MYO7A: variants seen among roughly 807,000 people sequenced by gnomAD.
The protein encoded by MYO7A is myosin VIIA.
A neutral mutation model predicts 263.8 loss-of-function variants in MYO7A; 210 were observed. That is an observed-to-expected ratio of 0.80 (90% CI 0.71 to 0.89). The LOEUF is 0.89. Ranked by LOEUF, MYO7A falls within the 40% of genes least tolerant of loss-of-function variation. The pLI is 0.00. For synonymous variants in MYO7A, 1,239 were observed against 1,197.3 expected (o/e 1.03, Z -0.72); for missense variants, 2,820 against 2,968.3 (o/e 0.95, Z 1.16).
chr11:77,212,189 T>C (rs1390969656), intron 46 of MYO7A: 2 of 610,150 alleles, frequency 3.3e-6, no homozygotes, highest in Non-Finnish European at 6.1e-6. Flanking sequence ...TAATGGAGGA[T>C]GGCCTGTGTT....
chr11:77,166,373 G>A lies in MYO7A; in HGVS notation c.1797+211G>A, dbSNP rs981032470. 5.3e-5 allele frequency among the ~76,000 whole-genome samples: 8 copies of A among 152,316 alleles called. No individual in the cohort carries two copies. In the East Asian group the frequency reaches 1.5e-3, roughly 29 times the overall value. On this transcript the variant is annotated intron_variant, in intron 15 of 48. Transcript: ENST00000409709. ...TACTAACTGGGGATATGGCTGGGGT[G>A]CAAGGCCCAGAGAAGGGTCACCTGA...
rs369489756 is a variant in MYO7A, at chr11:77,194,347, C to A, written c.4153-7C>A. On this transcript the variant is annotated splice_polypyrimidine_tract_variant and splice_region_variant and intron_variant, in intron 31 of 48. Coordinates refer to ENST00000409709, the MANE Select transcript of MYO7A (RefSeq NM_000260.4). ...CCAATGCATGACCGAGGCCTCCCCC[C>A]ACCTAGGAGGACGACCTGGCTGAGC... is the stretch of plus-strand genomic sequence containing the variant. 39 of 1,609,812 alleles carry A rather than the reference C, an allele frequency of 2.4e-5. No individual in the cohort carries two copies. The highest frequency in any genetic ancestry group is 1.6e-4 in the Middle Eastern group (1 of 6,070).
intron 2 of MYO7A, among the ~76,000 whole-genome samples, chr11:77,131,709 C>G (rs1190740786): frequency 1.3e-5 from 2 of 152,226 alleles, no homozygotes; most frequent in Non-Finnish European, 2.9e-5. Context: ...CCTCTCCTGC[C>G]CCTCTGAACG....
rs1160265877 is a variant in MYO7A, at chr11:77,192,898, G to GTGT, written c.4152+623_4152+625dup. On this transcript the variant is annotated intron_variant, in intron 31 of 48. Transcript: ENST00000409709. Reference sequence around the variant, plus strand: ...GGTGATGGTGGAGGAGGTAGTGATGGTGTTGGTGATGGTGGAGGGTAGTGA... The same window carrying GTGT: ...GGTGATGGTGGAGGAGGTAGTGATGGTGTTGTTGGTGATGGTGGAGGGTAGTGA... Among the ~76,000 whole-genome samples the GTGT allele has an allele frequency of 7.7e-5, 9 of 116,862 alleles. 1 individual carries two copies. Among genetic ancestry groups the GTGT allele is most frequent in the East Asian group, 4.7e-4 (2 of 4,230 alleles). 76.7% of individuals were successfully genotyped at this position (116,862 alleles called of 152,430 possible).
chr11:77,177,755 C>T (rs782595890), intron 19 of MYO7A, 112 bp downstream of exon 19: 15 of 808,578 alleles, frequency 1.9e-5, no homozygotes, highest in Admixed American at 4.2e-5. Flanking sequence ...ACGTGTTCAC[C>T]TATGAAACAA....
intron 42 of MYO7A, 131 bp from the exon 43 acceptor site, chr11:77,208,299 C>T (rs1013070748): frequency 6.9e-6 from 5 of 721,388 alleles, no homozygotes; most frequent in South Asian, 5.2e-5. Flanking sequence ...GGGGCTGACA[C>T]ACAGAAACCC....
chr11:77,205,239 G>A (rs1020316058), intron 39 of MYO7A, among the ~76,000 whole-genome samples: 3 of 152,300 alleles, frequency 2.0e-5, no homozygotes, highest in Non-Finnish European at 1.5e-5. Flanking sequence ...GTGGCCTGGC[G>A]CGGTGGGCCA....
Position 77,202,369 on chromosome 11 carries a change from C to A in MYO7A, c.5113C>A (p.Pro1705Thr), listed in dbSNP as rs1336723769. ...VRLLQLRTAEPEVRAKPYTLE... is the reference protein window; with the variant it reads ...VRLLQLRTAETEVRAKPYTLE... ...GCTCTTGCAGCTGCGAACGGCGGAG[C>A]CCGAGGTGCGTGCCAAGCCCTACAC... Residue 1705 changes from proline to threonine, a missense_variant, in exon 37 of 49, where the codon CCC becomes ACC. Pro to Thr is a conservative substitution (Grantham distance 38, BLOSUM62 -1). Transcript: ENST00000409709. 1.9e-6 allele frequency: 3 copies of A among 1,562,330 alleles called. No individual in the cohort carries two copies. Among genetic ancestry groups the A allele is most frequent in the Non-Finnish European group, 2.6e-6 (3 of 1,152,782 alleles).
intron 44 of MYO7A, 86 bp downstream of exon 44, chr11:77,208,889 C>A: frequency 1.7e-6 from 2 of 1,143,184 alleles, no homozygotes; most frequent in Non-Finnish European, 2.5e-6. Context: ...ACTGACCTTG[C>A]CAGGTGTGGG....
rs778007315 is a variant in MYO7A at position 77,199,698 on chromosome 11, G to T, written c.4732G>T (p.Asp1578Tyr). The change falls in exon 35 of 49, where the codon GAC (aspartate) becomes TAC (tyrosine). Residue 1578 changes from aspartate (D) to tyrosine (Y), a missense_variant. By Grantham distance (160) the Asp-to-Tyr change is radical. Transcript: ENST00000409709. The stretch of plus-strand genomic sequence containing the variant: ...CTTCACGCTGGCCACCATCAAGGGG[G>T]ACGAATACACCTTCACCTCCAGCAA... The part of the protein sequence containing the change: ...PSFTLATIKG[D>Y]EYTFTSSNAE... 1 of 1,613,666 alleles carries T rather than the reference G, an allele frequency of 6.2e-7. No homozygotes were observed. The highest frequency in any genetic ancestry group is 8.5e-7 in the Non-Finnish European group (1 of 1,179,852).
intron 43 of MYO7A, 69 bp downstream of exon 43, chr11:77,208,586 T>C: frequency 6.5e-7 from 1 of 1,536,226 alleles, no homozygotes; most frequent in African/African-American, 1.4e-5. Context: ...GGCTGTGCCG[T>C]GAGGCCCACC....
chr11:77,142,076 T>C (rs1822917687), intron 2 of MYO7A, among the ~76,000 whole-genome samples: 1 of 152,234 alleles, frequency 6.6e-6, no homozygotes, highest in Non-Finnish European at 1.5e-5. Context: ...GATTTTACGT[T>C]TGGCTCTCAC....
In MYO7A at chr11:77,181,575, C is replaced by T. The variant is rs782718764; in HGVS notation, c.2890C>T (p.Pro964Ser). The T allele has an allele frequency of 5.0e-6, 8 of 1,613,120 alleles. No homozygotes were observed. The highest frequency in any genetic ancestry group is 4.5e-5 in the East Asian group (2 of 44,844). Residue 964 changes from proline to serine, a missense_variant, in exon 23 of 49, where the codon CCT (proline) becomes TCT (serine). Physicochemically the swap from Pro to Ser is moderately conservative, Grantham distance 74. Coordinates refer to ENST00000409709, the MANE Select transcript of MYO7A (RefSeq NM_000260.4). ...GGLPGQEGQA[P>S]SGFEDLERGR... ...CCTGCCAGGCCAGGAGGGCCAGGCA[C>T]CTAGTGGCTTTGAGGTACCAGGCTA... is the stretch of plus-strand genomic sequence containing the variant.
rs1555068154 is a variant in MYO7A at position 77,160,968 on chromosome 11, T to C, written c.1201-5T>C. ...TGGTGCCAGTGGCTGATCACTGCCTTTCAGGGGATCTACGGGCGGCTGTTC... is the reference window on the plus strand; with the variant it reads ...TGGTGCCAGTGGCTGATCACTGCCTCTCAGGGGATCTACGGGCGGCTGTTC... On this transcript the variant is annotated splice_polypyrimidine_tract_variant and splice_region_variant and intron_variant, in intron 11 of 48. Transcript: ENST00000409709. The C allele has an allele frequency of 2.3e-5, 37 of 1,595,304 alleles. No homozygotes were observed. Among genetic ancestry groups the C allele is most frequent in the Non-Finnish European group, 3.2e-5 (37 of 1,171,816 alleles).
intron 14 of MYO7A, among the ~76,000 whole-genome samples, chr11:77,164,079 C>A (rs1421339648): frequency 6.6e-6 from 1 of 152,190 alleles, no homozygotes; most frequent in African/African-American, 2.4e-5. Context: ...CTCTCAGCAA[C>A]AAGACCAAGC....
chr11:77,198,909 T>G (rs1038061011), intron 34 of MYO7A, among the ~76,000 whole-genome samples: 1 of 152,212 alleles, frequency 6.6e-6, no homozygotes, highest in African/African-American at 2.4e-5. Flanking sequence ...GGGGACTGAG[T>G]AGCACTCACT....
chr11:77,129,483 C>A (rs1386076873), intron 1 of MYO7A, among the ~76,000 whole-genome samples: 1 of 152,166 alleles, frequency 6.6e-6, no homozygotes, highest in Non-Finnish European at 1.5e-5. Context: ...ATACCAGGGT[C>A]TGTAGGCTGG....
At position 77,138,206 on chromosome 11, in the gene MYO7A, G is replaced by C. The variant is rs1950985168; in HGVS notation, c.19-4503G>C. Among the ~76,000 whole-genome samples the C allele has an allele frequency of 6.6e-6, 1 of 152,008 alleles. No homozygotes were observed. The highest frequency in any genetic ancestry group is 2.4e-5 in the African/African-American group (1 of 41,400). On this transcript the variant is annotated intron_variant, in intron 2 of 48. Transcript: ENST00000409709. This position sits in a 1 kb window ranked among gnomAD's most constrained non-coding sequence, Gnocchi z 4.9. ...CGTCACCTAAGCCGCCGTTGCCATG[G>C]GCCCGCAGCAGATGGCCCGGTTTAG...
chr11:77,200,549 C>T lies in MYO7A; in HGVS notation c.4852+731C>T, dbSNP rs918166559. Among the ~76,000 whole-genome samples, 18 of 152,338 alleles carry T rather than the reference C, an allele frequency of 1.2e-4. No homozygotes were observed. In the East Asian group the frequency reaches 3.1e-3, roughly 26 times the overall value. On this transcript the variant is annotated intron_variant, in intron 35 of 48. Coordinates refer to ENST00000409709, the MANE Select transcript of MYO7A (RefSeq NM_000260.4). ...ACCTCACACTAGGCCACTGCCAACACTGGGAGATCAAGTTTCAACAGAGAG... is the reference window on the plus strand; with the variant it reads ...ACCTCACACTAGGCCACTGCCAACATTGGGAGATCAAGTTTCAACAGAGAG...
Sources: allele counts gnomAD v4.1 joint callset (sites outside exome capture counted in the v4.1 genomes callset), GRCh38; gene constraint gnomAD v4.1.1; non-coding constraint Gnocchi (gnomAD v3.1); transcripts MANE v1.5; gene names NCBI Gene and HGNC (gene_info 2026-07-23, HGNC 2026-07-21).